The following SPATS2L variants were observed in gnomAD, a reference collection of about 807,000 sequenced individuals.
SPATS2L encodes the protein SPATS2-like protein.
In SPATS2L, 30 loss-of-function variants were observed where a neutral mutation model predicts 59.6. The observed-to-expected ratio is 0.50, with a 90% CI of 0.38 to 0.68. The LOEUF is 0.68. Among genes scored for constraint, SPATS2L ranks in the 30% least tolerant of loss-of-function variants. The pLI is 0.00. For missense variants in SPATS2L, 615 were observed against 700.0 expected (o/e 0.88, Z 1.37); for synonymous variants, 252 against 263.5 (o/e 0.96, Z 0.42).
chr2:200,417,258 T>A (rs1022998919), intron 5 of SPATS2L, among the ~76,000 whole-genome samples: 1 of 152,194 alleles, frequency 6.6e-6, no homozygotes, highest in African/African-American at 2.4e-5. Flanking sequence ...AACACAGTAT[T>A]ACTTTCATAA....
Position 200,396,033 on chromosome 2 carries a change from AAT to A in SPATS2L, c.39+6783_39+6784del, listed in dbSNP as rs1553520465. Among the ~76,000 whole-genome samples the A allele has an allele frequency of 4.2e-3, 88 of 21,126 alleles. 1 individual carries two copies. Among genetic ancestry groups the A allele is most frequent in the African/African-American group, 0.012 (78 of 6,778 alleles). 13.9% of individuals were successfully genotyped at this position (21,126 alleles called of 152,430 possible). A position where few individuals can be genotyped will look rare whatever the true frequency, so the allele number is the denominator to read the frequency against. The stretch of plus-strand genomic sequence containing the variant: ...CTGGAAAAAAAAAAAAAAAAAAAAA[AAT>A]ATATATATATATATATATATATATA... On this transcript the variant is annotated intron_variant, in intron 3 of 12. Coordinates refer to ENST00000409140, the MANE Select transcript of SPATS2L (RefSeq NM_001100423.2).
intron 11 of SPATS2L, among the ~76,000 whole-genome samples, chr2:200,470,744 TA>T (rs2086964775): frequency 2.0e-5 from 3 of 152,234 alleles, no homozygotes; most frequent in South Asian, 4.1e-4. Context: ...ATGATAGAAT[TA>T]ACTATACTGT....
intron 3 of SPATS2L, chr2:200,393,118 G>C: frequency 2.3e-6 from 1 of 437,150 alleles, no homozygotes. Flanking sequence ...TGGGTTGGGC[G>C]CCATGGTGCT....
intron 3 of SPATS2L, among the ~76,000 whole-genome samples, chr2:200,411,210 C>T (rs566582001): frequency 2.0e-5 from 3 of 152,158 alleles, no homozygotes; most frequent in South Asian, 2.1e-4. Context: ...CTCATTACAA[C>T]CTAAATACTC....
chr2:200,444,654 C>T (rs1231163731), intron 8 of SPATS2L, among the ~76,000 whole-genome samples: 5 of 151,992 alleles, frequency 3.3e-5, no homozygotes, highest in Non-Finnish European at 7.4e-5. Context: ...TTCTTTTTTC[C>T]CGAAGCAATG....
At chr2:200,429,367 A>G (rs965812538) in intron 6 of SPATS2L, among the ~76,000 whole-genome samples, 3 of 152,218 alleles carry the variant, frequency 2.0e-5, no homozygotes, top group Non-Finnish European at 2.9e-5. Flanking sequence ...AGAAAATGAG[A>G]CAATAAAGGA....
At chr2:200,458,355 T>A (rs1279282435) in intron 8 of SPATS2L, among the ~76,000 whole-genome samples, 1 of 152,206 alleles carries the variant, frequency 6.6e-6, no homozygotes, top group Non-Finnish European at 1.5e-5. Context: ...AGAAATTTGA[T>A]TAAATTCAGT....
chr2:200,309,798 G>A (rs1333105024), intron 1 of SPATS2L, among the ~76,000 whole-genome samples: 1 of 152,078 alleles, frequency 6.6e-6, no homozygotes, highest in Non-Finnish European at 1.5e-5. Context: ...AAGTAGTCTT[G>A]CTATGAAGGT....
chr2:200,320,293 T>C (rs1371259896), intron 1 of SPATS2L, among the ~76,000 whole-genome samples: 2 of 152,238 alleles, frequency 1.3e-5, no homozygotes, highest in African/African-American at 4.8e-5. Context: ...ATTTTTCTTC[T>C]GAAAAATTTC....
chr2:200,462,937 TAAC>T (rs1011138740), intron 9 of SPATS2L, among the ~76,000 whole-genome samples: 3 of 150,928 alleles, frequency 2.0e-5, no homozygotes, highest in South Asian at 2.1e-4. Flanking sequence ...AAAATAATAA[TAAC>T]AATAATAATA....
At chr2:200,477,573 T>G in intron 12 of SPATS2L, 63 bp from the exon 13 acceptor site, 1 of 1,273,626 alleles carries the variant, frequency 7.9e-7, no homozygotes, top group Non-Finnish European at 1.0e-6. Context: ...GTTTTCCTGA[T>G]GTCTACTGGT....
intron 2 of SPATS2L, among the ~76,000 whole-genome samples, chr2:200,337,074 A>C (rs900411210): frequency 1.3e-5 from 2 of 152,142 alleles, no homozygotes; most frequent in African/African-American, 2.4e-5. Flanking sequence ...CATCTTTTTA[A>C]CTAACTCTCA....
At chr2:200,321,248 T>G (rs1008085965) in intron 1 of SPATS2L, among the ~76,000 whole-genome samples, 1 of 152,192 alleles carries the variant, frequency 6.6e-6, no homozygotes, top group Admixed American at 6.6e-5. Flanking sequence ...ACATAGTCGG[T>G]AAAGAGCTTT....
intron 2 of SPATS2L, among the ~76,000 whole-genome samples, chr2:200,368,194 A>G (rs1223284565): frequency 3.3e-5 from 5 of 152,228 alleles, no homozygotes; most frequent in South Asian, 2.1e-4. Context: ...AAGAAGATGC[A>G]TACTTGGTGA....
intron 4 of SPATS2L, among the ~76,000 whole-genome samples, chr2:200,414,041 A>G (rs938239172): frequency 6.6e-6 from 1 of 152,194 alleles, no homozygotes; most frequent in South Asian, 2.1e-4. Context: ...CATCACCTGC[A>G]TGGAAAAAAA....
chr2:200,327,139 T>C (rs2079777057), intron 1 of SPATS2L, among the ~76,000 whole-genome samples: 1 of 151,820 alleles, frequency 6.6e-6, no homozygotes, highest in Non-Finnish European at 1.5e-5. Flanking sequence ...CGTGGTGGCT[T>C]ACACCTGTAA....
intron 1 of SPATS2L, among the ~76,000 whole-genome samples, chr2:200,310,113 A>G (rs533740103): frequency 8.5e-5 from 13 of 152,330 alleles, no homozygotes; most frequent in South Asian, 4.1e-4. Context: ...TCCAAACTCC[A>G]TTCCTATTTA....
At chr2:200,309,515 TG>T (rs1034316645) in intron 1 of SPATS2L, among the ~76,000 whole-genome samples, 1 of 152,216 alleles carries the variant, frequency 6.6e-6, no homozygotes, top group Non-Finnish European at 1.5e-5. Context: ...TTAAATCATA[TG>T]TTTTTTATAA....
chr2:200,311,996 C>T (rs1334838466), intron 1 of SPATS2L, among the ~76,000 whole-genome samples: 1 of 152,192 alleles, frequency 6.6e-6, no homozygotes, highest in Non-Finnish European at 1.5e-5. Context: ...TCTTATAGTA[C>T]TCCTGCTTCT....
Sources: gnomAD v4.1 joint callset for allele counts (sites outside exome capture counted in the v4.1 genomes callset) on GRCh38, gnomAD v4.1.1 for gene constraint, MANE v1.5 for transcripts, NCBI Gene and HGNC (gene_info 2026-07-23, HGNC 2026-07-21) for gene names.